FBXO25: variants seen among roughly 807,000 people sequenced by gnomAD.
The protein encoded by FBXO25 is F-box only protein 25.
Under a neutral mutation model 51.9 loss-of-function variants are expected in FBXO25, and 45 were observed. That is an observed-to-expected ratio of 0.87 (90% CI 0.68 to 1.11). The LOEUF (loss-of-function observed/expected upper bound fraction) is 1.11. Among genes scored for constraint, FBXO25 ranks in the 50% most tolerant of loss-of-function variants. The probability of loss-of-function intolerance (pLI) is 0.00; values close to 1 mark genes in which losing one functional copy is unlikely to be tolerated. For missense variants in FBXO25, 507 were observed against 428.5 expected (o/e 1.18, Z -1.62); for synonymous variants, 199 against 151.0 (o/e 1.32, Z -2.33).
rs200690341 is a variant in FBXO25, at chr8:468,685, C to T, written c.988-30C>T. ...CTAGAGTGTGGCTGGTGGTGGGGCC[C>T]CCTCCTAACCATCTCCCACCTCCCC... is the stretch of plus-strand genomic sequence containing the variant. On this transcript the variant is annotated intron_variant, in intron 9 of 9. Transcript: ENST00000350302. 12 of 1,599,110 alleles carry T rather than the reference C, an allele frequency of 7.5e-6. No individual in the cohort carries two copies. The African/African-American group carries it at 9.4e-5, about 13-fold the overall frequency.
Position 477,320 on chromosome 8 carries a change from G to A in FBXO25, c.*8516G>A, listed in dbSNP as rs1800674509. ...AGTTCTGTCTTGCGACTGATCTTCT[G>A]TCTGGTTGTCCTATCCGTTACTGAA... On this transcript the variant is annotated 3_prime_UTR_variant, in exon 10 of 10. Transcript: ENST00000350302. 6.6e-6 allele frequency: 1 copy of A among 152,178 alleles called. No individual in the cohort carries two copies. Among genetic ancestry groups the A allele is most frequent in the South Asian group, 2.1e-4 (1 of 4,838 alleles). The allele number at this position is 152,178 out of a possible 1,614,324, so 9.4% of individuals were successfully genotyped here.
chr8:464,626 A>G (rs1410165243), intron 9 of FBXO25, among the ~76,000 whole-genome samples: 3 of 152,234 alleles, frequency 2.0e-5, no homozygotes, highest in African/African-American at 7.2e-5. Context: ...GGCAAACTCT[A>G]GGTTGTCGGA....
chr8:476,197 G>T lies in FBXO25; in HGVS notation c.*7393G>T, dbSNP rs925724508. 6.6e-6 allele frequency: 1 copy of T among 151,890 alleles called. No homozygotes were observed. The highest frequency in any genetic ancestry group is 1.5e-5 in the Non-Finnish European group (1 of 67,976). 9.4% of individuals were successfully genotyped at this position (151,890 alleles called of 1,614,324 possible). On this transcript the variant is annotated 3_prime_UTR_variant, in exon 10 of 10. Coordinates refer to ENST00000350302, the MANE Select transcript of FBXO25 (RefSeq NM_183420.2). ...GACTTGAGCATGTTGAAACATCTTT[G>T]CATACCAGCTGTAAATCTTACTTGG... is the stretch of plus-strand genomic sequence containing the variant.
intron 5 of FBXO25, among the ~76,000 whole-genome samples, chr8:446,811 C>G (rs1055808723): frequency 9.2e-5 from 14 of 151,960 alleles, no homozygotes; most frequent in Non-Finnish European, 2.1e-4. Flanking sequence ...TTTTTTCCCC[C>G]AAAGATTATC....
At chr8:425,867 G>C (rs1398201700) in intron 2 of FBXO25, among the ~76,000 whole-genome samples, 1 of 147,554 alleles carries the variant, frequency 6.8e-6, no homozygotes, top group Non-Finnish European at 1.5e-5. Context: ...TTATCCTTTT[G>C]GTATTTAGGA....
intron 2 of FBXO25, among the ~76,000 whole-genome samples, chr8:427,273 G>C (rs11783529): frequency 0.19 from 26,697 of 137,640 alleles, 654 homozygotes; most frequent in East Asian, 0.26. Flanking sequence ...CAAATTGATC[G>C]AAAGGAAATG....
Position 469,068 on chromosome 8 carries a change from A to G in FBXO25, c.*264A>G, listed in dbSNP as rs79240478. ...GAAATTTTGCGTACTCTCTCTCTCT[A>G]TATATATAGTTCAAAAATACTTTAG... On this transcript the variant is annotated 3_prime_UTR_variant, in exon 10 of 10. Coordinates refer to ENST00000350302, the MANE Select transcript of FBXO25 (RefSeq NM_183420.2). 11 of 324,738 alleles carry G rather than the reference A, an allele frequency of 3.4e-5. No homozygotes were observed. The highest frequency in any genetic ancestry group is 2.0e-4 in the South Asian group (2 of 9,926). The allele number at this position is 324,738 out of a possible 1,614,324, so 20.1% of individuals were successfully genotyped here. A position where few individuals can be genotyped will look rare whatever the true frequency, so the allele number is the denominator to read the frequency against.
intron 2 of FBXO25, among the ~76,000 whole-genome samples, chr8:416,754 T>C (rs1224619982): frequency 2.0e-5 from 3 of 152,248 alleles, no homozygotes; most frequent in Non-Finnish European, 4.4e-5. Flanking sequence ...TAGTCCACAA[T>C]ATATTAAGGA....
intron 2 of FBXO25, among the ~76,000 whole-genome samples, chr8:416,096 A>C (rs1357150537): frequency 6.6e-6 from 1 of 152,052 alleles, no homozygotes; most frequent in Non-Finnish European, 1.5e-5. Flanking sequence ...TGCTTTTTTC[A>C]CTTGCTCACT....
At chr8:468,661 T>C in intron 9 of FBXO25, 54 bp from the exon 10 acceptor site, 1 of 1,400,640 alleles carries the variant, frequency 7.1e-7, no homozygotes, top group Non-Finnish European at 1.0e-6. Context: ...GCACCATCAC[T>C]AGAGTGTGGC....
rs557559398 is a variant in FBXO25 at position 435,482 on chromosome 8, T to A, written c.289-133T>A. On this transcript the variant is annotated intron_variant, in intron 4 of 9. Transcript: ENST00000350302. ...TAATTTTACTATACTCTCATCTAAA[T>A]CTAAAATCAGTCTTCAAAATAAAAA... The A allele has an allele frequency of 3.3e-5, 34 of 1,045,726 alleles. No homozygotes were observed. In the African/African-American group the frequency reaches 5.2e-4, roughly 16 times the overall value. The allele number at this position is 1,045,726 out of a possible 1,614,324, so 64.8% of individuals were successfully genotyped here.
In FBXO25 at chr8:471,000, A is replaced by T. The variant is rs1800466559; in HGVS notation, c.*2196A>T. The T allele has an allele frequency of 6.6e-6, 1 of 152,106 alleles. No individual in the cohort carries two copies. The allele number at this position is 152,106 out of a possible 1,614,324, so 9.4% of individuals were successfully genotyped here. A position where few individuals can be genotyped will look rare whatever the true frequency, so the allele number is the denominator to read the frequency against. On this transcript the variant is annotated 3_prime_UTR_variant, in exon 10 of 10. Transcript: ENST00000350302. Reference sequence around the variant, plus strand: ...TAATTTGTCATATACTGTTACTGTCATTTAATTGTTAGATGTTATAACAGT... The same window carrying T: ...TAATTTGTCATATACTGTTACTGTCTTTTAATTGTTAGATGTTATAACAGT...
rs1231274628 is a variant in FBXO25, at chr8:473,745, A to C, written c.*4941A>C. The C allele has an allele frequency of 8.2e-6, 1 of 121,730 alleles. No homozygotes were observed. Among genetic ancestry groups the C allele is most frequent in the Non-Finnish European group, 1.8e-5 (1 of 56,326 alleles). 7.5% of individuals were successfully genotyped at this position (121,730 alleles called of 1,614,324 possible). A position where few individuals can be genotyped will look rare whatever the true frequency, so the allele number is the denominator to read the frequency against. On this transcript the variant is annotated 3_prime_UTR_variant, in exon 10 of 10. Coordinates refer to ENST00000350302, the MANE Select transcript of FBXO25 (RefSeq NM_183420.2). The stretch of plus-strand genomic sequence containing the variant: ...TCTTTGAAATGCTCTTGTTCTTCCT[A>C]AGTAAGGGAGAGCAAAAAAAATGAG...
rs558370110 is a variant in FBXO25, at chr8:451,294, C to G, written c.501C>G (p.Arg167=). Residue 167 remains arginine, a synonymous_variant, in exon 7 of 10, where the codon CGC becomes CGG. Coordinates refer to ENST00000350302, the MANE Select transcript of FBXO25 (RefSeq NM_183420.2). ...QKVLDDHHNP[R]LIKDLLQDLS... Reference sequence around the variant, plus strand: ...TTCTTGATGACCACCACAATCCTCGCTTAATCAAAGATCTTCTGCAAGACC... The same window carrying G: ...TTCTTGATGACCACCACAATCCTCGGTTAATCAAAGATCTTCTGCAAGACC... 1.2e-6 allele frequency: 2 copies of G among 1,609,640 alleles called. No homozygotes were observed. The highest frequency in any genetic ancestry group is 1.7e-6 in the Non-Finnish European group (2 of 1,178,860).
intron 2 of FBXO25, among the ~76,000 whole-genome samples, chr8:413,576 C>G (rs971697907): frequency 6.6e-6 from 1 of 152,130 alleles, no homozygotes; most frequent in Non-Finnish European, 1.5e-5. Flanking sequence ...CAGTTTTTCT[C>G]CCTTGAAAGC....
chr8:419,098 G>A (rs113948230), intron 2 of FBXO25, among the ~76,000 whole-genome samples: 2,424 of 152,224 alleles, frequency 0.016, 49 homozygotes, highest in African/African-American at 0.056. Context: ...GGTGGCGCAG[G>A]CCTGTAATCC....
At chr8:446,494 C>G (rs932122519) in intron 5 of FBXO25, among the ~76,000 whole-genome samples, 6 of 152,164 alleles carry the variant, frequency 3.9e-5, no homozygotes, top group Non-Finnish European at 8.8e-5. Flanking sequence ...TTGTGTGAAT[C>G]TGAATCGCAT....
chr8:432,004 T>G (rs1037296556), intron 3 of FBXO25, among the ~76,000 whole-genome samples: 8 of 151,964 alleles, frequency 5.3e-5, no homozygotes, highest in African/African-American at 1.7e-4. Flanking sequence ...GATACTATGG[T>G]TTTTTTTATG....
chr8:475,312 T>A lies in FBXO25; in HGVS notation c.*6508T>A, dbSNP rs1800610151. ...TTCCATTGGTCTACATGACTGTCTT[T>A]GTTTCAATACAACACCATTTTGATT... On this transcript the variant is annotated 3_prime_UTR_variant, in exon 10 of 10. Coordinates refer to ENST00000350302, the MANE Select transcript of FBXO25 (RefSeq NM_183420.2). 5.7e-6 allele frequency: 1 copy of A among 176,654 alleles called. No individual in the cohort carries two copies. The highest frequency in any genetic ancestry group is 1.2e-5 in the Non-Finnish European group (1 of 84,050). The allele number at this position is 176,654 out of a possible 1,614,324, so 10.9% of individuals were successfully genotyped here.
Sources: allele counts gnomAD v4.1 joint callset (sites outside exome capture counted in the v4.1 genomes callset), GRCh38; gene constraint gnomAD v4.1.1; transcripts MANE v1.5; gene names NCBI Gene and HGNC (gene_info 2026-07-23, HGNC 2026-07-21).